Variants in C16orf74 observed in about 807,000 individuals in gnomAD.
C16orf74 encodes the protein uncharacterized protein C16orf74.
A neutral mutation model predicts 6.5 loss-of-function variants in C16orf74; 10 were observed. That is an observed-to-expected ratio of 1.54 (90% CI 0.95 to 2.61). The LOEUF is 2.61. Among genes scored for constraint, C16orf74 ranks in the 30% most tolerant of loss-of-function variants. C16orf74 has a pLI of 0.00. For synonymous variants in C16orf74, 60 were observed against 42.5 expected, an observed-to-expected ratio of 1.41 and a Z score of -1.60; for missense variants, 141 against 105.9, an observed-to-expected ratio of 1.33 and a Z score of -1.45.
At chr16:85,710,584 C>A in intron 2 of C16orf74, 1 of 403,742 alleles carries the variant, frequency 2.5e-6, no homozygotes, top group South Asian at 3.7e-5. Context: ...CAGTTGTCAG[C>A]CTTTACCATG....
At chr16:85,746,908 G>C (rs2054379963) in intron 1 of C16orf74, among the ~76,000 whole-genome samples, 2 of 152,246 alleles carry the variant, frequency 1.3e-5, no homozygotes. Flanking sequence ...GGGTTGGGAA[G>C]CGATACTGCA....
At chr16:85,725,430 G>A (rs2054123822) in intron 2 of C16orf74, among the ~76,000 whole-genome samples, 2 of 152,312 alleles carry the variant, frequency 1.3e-5, no homozygotes, top group South Asian at 2.1e-4. Context: ...TCACCTAGGA[G>A]GCCTCCTAGA....
At chr16:85,708,129 C>T (rs2053931875) in intron 3 of C16orf74, 63 bp from the exon 4 acceptor site, 9 of 1,389,274 alleles carry the variant, frequency 6.5e-6, no homozygotes, top group Non-Finnish European at 8.0e-6. Flanking sequence ...AGCCCCGTTT[C>T]CCTGGGAACT....
At position 85,710,272 on chromosome 16, in the gene C16orf74, G is replaced by GGCTGCTGCT. The variant is rs751825593; in HGVS notation, c.55_63dup (p.Ser19_Ser21dup). On this transcript the variant is annotated inframe_insertion, in exon 3 of 4. Coordinates refer to ENST00000284245, the MANE Select transcript of C16orf74 (RefSeq NM_206967.3). ...TCGTTCAGGACGGGGGCCTCGTCGTGGCTGCTGCTGCTGCTGCTGACACAC... is the reference window on the plus strand; with the variant it reads ...TCGTTCAGGACGGGGGCCTCGTCGTGGCTGCTGCTGCTGCTGCTGCTGCTGCTGACACAC... The GGCTGCTGCT allele has an allele frequency of 2.0e-6, 3 of 1,510,024 alleles. No homozygotes were observed. The highest frequency in any genetic ancestry group is 5.4e-5 in the East Asian group (2 of 37,376). The allele number at this position is 1,510,024 out of a possible 1,614,324, so 93.5% of individuals were successfully genotyped here.
chr16:85,708,140 G>A (rs2053931982), intron 3 of C16orf74, 74 bp from the exon 4 acceptor site: 7 of 1,271,252 alleles, frequency 5.5e-6, no homozygotes, highest in African/African-American at 1.5e-5. Context: ...CCTGGGAACT[G>A]CAGGGCTGGG....
In C16orf74 at chr16:85,735,242, A is replaced by G; in HGVS notation, c.-18-7T>C. On this transcript the variant is annotated splice_region_variant and splice_polypyrimidine_tract_variant and intron_variant, in intron 1 of 3. Transcript: ENST00000284245. ...TGTCGGCACCTCTGCAGGCCTGTGG[A>G]GAGAGGACAGCGCTGAGAGAGGGGA... 9.5e-6 allele frequency: 15 copies of G among 1,574,128 alleles called. No individual in the cohort carries two copies. Among genetic ancestry groups the G allele is most frequent in the Non-Finnish European group, 1.2e-5 (14 of 1,160,870 alleles).
At chr16:85,720,124 C>A (rs898924883) in intron 2 of C16orf74, among the ~76,000 whole-genome samples, 5 of 151,394 alleles carry the variant, frequency 3.3e-5, no homozygotes, top group African/African-American at 1.2e-4. Flanking sequence ...TAGCTCTTGG[C>A]GGTTTTACCT....
chr16:85,738,554 C>T (rs2054269644), intron 1 of C16orf74, among the ~76,000 whole-genome samples: 1 of 151,580 alleles, frequency 6.6e-6, no homozygotes, highest in Non-Finnish European at 1.5e-5. Context: ...TGGTCTCGAA[C>T]TCCTGACCTC....
rs781653770 is a variant in C16orf74, at chr16:85,710,166, G to C, written c.170C>G (p.Thr57Arg). 1 of 1,445,330 alleles carries C rather than the reference G, an allele frequency of 6.9e-7. No individual in the cohort carries two copies. Among genetic ancestry groups the C allele is most frequent in the Non-Finnish European group, 9.0e-7 (1 of 1,106,064 alleles). The allele number at this position is 1,445,330 out of a possible 1,614,324, so 89.5% of individuals were successfully genotyped here. ...GGCGGTGGAGGGGACGGCCTCACCT[G>C]TGCTCCCCAAGTCCCTCGGCAGCAT... ...GMMLPRDLGS[T>R]VWLDETGSCP... The change falls in exon 3 of 4, where the codon ACA becomes AGA. Residue 57 changes from threonine (T) to arginine (R), a missense_variant and splice_region_variant. Physicochemically the swap from Thr to Arg is moderately conservative, Grantham distance 71 (BLOSUM62 -1). Coordinates refer to ENST00000284245, the MANE Select transcript of C16orf74 (RefSeq NM_206967.3).
rs2054432009 is a variant in C16orf74 at position 85,750,990 on chromosome 16, T to C, written c.-83A>G. The C allele has an allele frequency of 6.7e-6, 1 of 148,876 alleles. No homozygotes were observed. The allele number at this position is 148,876 out of a possible 1,614,324, so 9.2% of individuals were successfully genotyped here. A position where few individuals can be genotyped will look rare whatever the true frequency, so the allele number is the denominator to read the frequency against. ...AGGCGCGCGAGGCCCGCCCGGGCGC[T>C]GGTGGTGGTGGCGGCGGCGGTCGGG... is the stretch of plus-strand genomic sequence containing the variant. On this transcript the variant is annotated 5_prime_UTR_variant, in exon 1 of 4. Coordinates refer to ENST00000284245, the MANE Select transcript of C16orf74 (RefSeq NM_206967.3).
intron 1 of C16orf74, among the ~76,000 whole-genome samples, chr16:85,749,457 A>T: frequency 6.6e-6 from 1 of 151,530 alleles, no homozygotes; most frequent in East Asian, 2.0e-4. Context: ...TCATTAAAAA[A>T]TTTTTAGTAG....
In C16orf74 at chr16:85,745,948, T is replaced by A. The variant is rs559317212; in HGVS notation, c.-19+4978A>T. On this transcript the variant is annotated intron_variant, in intron 1 of 3. Transcript: ENST00000284245. ...CCCATCCTGGAGAGGCTCATAGAAATCTAGAGCTGGAAGTGGTCAGAGAGA... is the reference window on the plus strand; with the variant it reads ...CCCATCCTGGAGAGGCTCATAGAAAACTAGAGCTGGAAGTGGTCAGAGAGA... Among the ~76,000 whole-genome samples the A allele has an allele frequency of 3.3e-5, 5 of 152,306 alleles. No homozygotes were observed. The South Asian group carries it at 1.0e-3, about 32-fold the overall frequency.
intron 1 of C16orf74, among the ~76,000 whole-genome samples, chr16:85,748,939 T>TGA (rs1567815850): frequency 2.8e-4 from 32 of 115,594 alleles, no homozygotes; most frequent in Non-Finnish European, 3.9e-4. Flanking sequence ...TTTTTTTTTT[T>TGA]TTTTTTTTAT....
intron 2 of C16orf74, among the ~76,000 whole-genome samples, chr16:85,729,651 G>T (rs1265147254): frequency 1.3e-5 from 2 of 152,226 alleles, no homozygotes; most frequent in Non-Finnish European, 2.9e-5. Flanking sequence ...AGGATCTCAT[G>T]ATGAGCTCAT....
chr16:85,728,263 G>A (rs950069541), intron 2 of C16orf74, among the ~76,000 whole-genome samples: 3 of 152,224 alleles, frequency 2.0e-5, no homozygotes, highest in Non-Finnish European at 4.4e-5. Context: ...GTTCATAACA[G>A]CGGAATCTGG....
chr16:85,714,851 C>A (rs2054006632), intron 2 of C16orf74, among the ~76,000 whole-genome samples: 1 of 151,612 alleles, frequency 6.6e-6, no homozygotes, highest in South Asian at 2.1e-4. Context: ...GGGTTTGAAC[C>A]TTCTTTAAAG....
intron 2 of C16orf74, among the ~76,000 whole-genome samples, chr16:85,728,155 T>A (rs1598794718): frequency 6.6e-6 from 1 of 151,890 alleles, no homozygotes; most frequent in South Asian, 2.1e-4. Context: ...AAAATATAAA[T>A]AAATAAGCAC....
intron 2 of C16orf74, among the ~76,000 whole-genome samples, chr16:85,719,516 G>A (rs1267445180): frequency 1.3e-5 from 2 of 152,042 alleles, no homozygotes; most frequent in African/African-American, 2.4e-5. Context: ...TCTTCCAGAC[G>A]GGCACACTGA....
chr16:85,747,279 T>C (rs4843670), intron 1 of C16orf74, among the ~76,000 whole-genome samples: 68,287 of 151,988 alleles, frequency 0.45, 15,738 homozygotes, highest in East Asian at 0.73. Flanking sequence ...GGTGAAATCC[T>C]GTCTCCACAG....
Sources: gnomAD v4.1 joint callset for allele counts (sites outside exome capture counted in the v4.1 genomes callset) on GRCh38, gnomAD v4.1.1 for gene constraint, MANE v1.5 for transcripts, NCBI Gene and HGNC (gene_info 2026-07-23, HGNC 2026-07-21) for gene names.